FARS2: variants seen among roughly 807,000 people sequenced by gnomAD.
The protein encoded by FARS2 is phenylalanyl-tRNA synthetase 2, mitochondrial, also known as phenylalanine--tRNA ligase, mitochondrial.
A neutral mutation model predicts 46.4 loss-of-function variants in FARS2; 40 were observed. The observed-to-expected ratio is 0.86, with a 90% CI of 0.67 to 1.12. The LOEUF (loss-of-function observed/expected upper bound fraction) is 1.12. Ranked by LOEUF, FARS2 falls within the 50% of genes most tolerant of loss-of-function variation. The pLI, the probability that FARS2 is intolerant of heterozygous loss-of-function variation, is 0.00. For synonymous variants in FARS2, 234 were observed against 214.9 expected, an observed-to-expected ratio of 1.09 and a Z score of -0.78; for missense variants, 513 against 567.9, an observed-to-expected ratio of 0.90 and a Z score of 0.98.
intron 6 of FARS2, among the ~76,000 whole-genome samples, chr6:5,741,799 T>A (rs1231792745): frequency 1.3e-5 from 2 of 151,910 alleles, no homozygotes; most frequent in African/African-American, 4.9e-5. Flanking sequence ...TACAGGCACA[T>A]GCCACCACCC....
intron 6 of FARS2, among the ~76,000 whole-genome samples, chr6:5,731,469 C>T (rs752675917): frequency 2.6e-5 from 4 of 152,196 alleles, no homozygotes; most frequent in Non-Finnish European, 5.9e-5. Flanking sequence ...CCTGCTTCTG[C>T]ACTCACGCCC....
intron 5 of FARS2, among the ~76,000 whole-genome samples, chr6:5,585,836 A>G (rs1437501171): frequency 6.6e-6 from 1 of 152,180 alleles, no homozygotes; most frequent in Non-Finnish European, 1.5e-5. Flanking sequence ...CTGTTTCCAC[A>G]TATTAGCTAG....
At chr6:5,322,070 C>T (rs772552905) in intron 1 of FARS2, among the ~76,000 whole-genome samples, 4 of 152,102 alleles carry the variant, frequency 2.6e-5, no homozygotes, top group Non-Finnish European at 4.4e-5. Context: ...TTTTAGGTAT[C>T]GCTAGAGAAT....
chr6:5,273,286 A>G (rs1406635072), intron 1 of FARS2, among the ~76,000 whole-genome samples: 1 of 152,180 alleles, frequency 6.6e-6, no homozygotes, highest in African/African-American at 2.4e-5. Flanking sequence ...ATTTCCACCA[A>G]CAGTTTACAG....
chr6:5,610,177 T>C, intron 5 of FARS2: 1 of 870,038 alleles, frequency 1.1e-6, no homozygotes, highest in Non-Finnish European at 1.9e-6. Flanking sequence ...TCGGGCTCTT[T>C]AGGAGACTCT....
At chr6:5,752,264 T>G (rs1037370893) in intron 6 of FARS2, among the ~76,000 whole-genome samples, 1 of 152,192 alleles carries the variant, frequency 6.6e-6, no homozygotes, top group Non-Finnish European at 1.5e-5. Context: ...AAGGTTCTGG[T>G]GGATGTTGTC....
At chr6:5,280,525 GAC>G (rs1766646071) in intron 1 of FARS2, among the ~76,000 whole-genome samples, 1 of 152,186 alleles carries the variant, frequency 6.6e-6, no homozygotes, top group African/African-American at 2.4e-5. Context: ...AGTTTAATGA[GAC>G]AGCTGTAGAA....
intron 6 of FARS2, among the ~76,000 whole-genome samples, chr6:5,661,912 G>A (rs1264833348): frequency 6.6e-6 from 1 of 152,162 alleles, no homozygotes; most frequent in Non-Finnish European, 1.5e-5. Context: ...AACTATATAA[G>A]AGAGAGAGAC....
At chr6:5,401,980 A>G (rs1240032360) in intron 2 of FARS2, among the ~76,000 whole-genome samples, 1 of 150,542 alleles carries the variant, frequency 6.6e-6, no homozygotes, top group Non-Finnish European at 1.5e-5. Flanking sequence ...TTTATCTGGT[A>G]TTAGTTCTGC....
In FARS2 at chr6:5,669,357, A is replaced by G. The variant is rs926429670; in HGVS notation, c.1217+56037A>G. 2.6e-5 allele frequency among the ~76,000 whole-genome samples: 4 copies of G among 152,124 alleles called. No individual in the cohort carries two copies. In the South Asian group the frequency reaches 6.2e-4, roughly 24 times the overall value. ...AGCTTGTTGAGTGTTGTCCATTCCTATCACTCAGCCCACCTCCCCCCACCC... is the reference window on the plus strand; with the variant it reads ...AGCTTGTTGAGTGTTGTCCATTCCTGTCACTCAGCCCACCTCCCCCCACCC... On this transcript the variant is annotated intron_variant, in intron 6 of 6. Coordinates refer to ENST00000274680, the MANE Select transcript of FARS2 (RefSeq NM_006567.5).
At chr6:5,350,523 C>A (rs1757510596) in intron 1 of FARS2, among the ~76,000 whole-genome samples, 1 of 152,064 alleles carries the variant, frequency 6.6e-6, no homozygotes, top group African/African-American at 2.4e-5. Flanking sequence ...AAGTAGATCC[C>A]CATAAATATG....
At position 5,369,160 on chromosome 6, in the gene FARS2, T is replaced by C; in HGVS notation, c.590T>C (p.Val197Ala). 6.2e-7 allele frequency: 1 copy of C among 1,608,568 alleles called. No individual in the cohort carries two copies. The highest frequency in any genetic ancestry group is 8.5e-7 in the Non-Finnish European group (1 of 1,179,924). ...HYPIFHQLEA[V>A]RLFSKHELFA... Reference sequence around the variant, plus strand: ...CCTATTTTCCACCAGCTGGAGGCCGTGCGGCTCTTCTCCAAGCATGAGGTG... The same window carrying C: ...CCTATTTTCCACCAGCTGGAGGCCGCGCGGCTCTTCTCCAAGCATGAGGTG... The change falls in exon 2 of 7, where the codon GTG becomes GCG. Residue 197 changes from valine (V) to alanine (A), a missense_variant. Val to Ala is a moderately conservative substitution (Grantham distance 64). Transcript: ENST00000274680.
chr6:5,402,282 AT>A (rs1470706436), intron 2 of FARS2, among the ~76,000 whole-genome samples: 1 of 136,348 alleles, frequency 7.3e-6, no homozygotes, highest in African/African-American at 2.8e-5. Flanking sequence ...TTTGTTCTTA[AT>A]TTTTGAGTTT....
chr6:5,491,088 A>G (rs969996507), intron 4 of FARS2, among the ~76,000 whole-genome samples: 1 of 152,184 alleles, frequency 6.6e-6, no homozygotes, highest in Non-Finnish European at 1.5e-5. Flanking sequence ...TACCCTCAGC[A>G]ACATTTTATA....
intron 6 of FARS2, among the ~76,000 whole-genome samples, chr6:5,640,133 T>G (rs1042805744): frequency 9.3e-5 from 12 of 129,094 alleles, no homozygotes; most frequent in Non-Finnish European, 1.1e-4. Flanking sequence ...GAGGGAACTT[T>G]TGTCAGGTGT....
At chr6:5,601,010 A>G (rs1774478553) in intron 5 of FARS2, among the ~76,000 whole-genome samples, 1 of 152,182 alleles carries the variant, frequency 6.6e-6, no homozygotes, top group Non-Finnish European at 1.5e-5. Flanking sequence ...AAGAGACAGC[A>G]GAACTTGCAG....
rs1771773312 is a variant in FARS2 at position 5,343,055 on chromosome 6, A to C, written c.-21-25495A>C. On this transcript the variant is annotated intron_variant, in intron 1 of 6. Transcript: ENST00000274680. This position sits in a 1 kb window ranked among gnomAD's most constrained non-coding sequence, Gnocchi z 4.5. ...CAGACAAAACCTCATTAAAATCTAC[A>C]TCACTCATTTCTGCCCTAATCTGTA... Among the ~76,000 whole-genome samples the C allele has an allele frequency of 6.6e-6, 1 of 152,178 alleles. No individual in the cohort carries two copies. Among genetic ancestry groups the C allele is most frequent in the African/African-American group, 2.4e-5 (1 of 41,428 alleles).
intron 1 of FARS2, among the ~76,000 whole-genome samples, chr6:5,348,390 A>G (rs1757369036): frequency 6.6e-6 from 1 of 151,512 alleles, no homozygotes; most frequent in African/African-American, 2.4e-5. Flanking sequence ...CACTCCTTCA[A>G]CACAATCTCT....
chr6:5,508,998 T>G (rs1017344241), intron 4 of FARS2, among the ~76,000 whole-genome samples: 1 of 152,228 alleles, frequency 6.6e-6, no homozygotes, highest in Non-Finnish European at 1.5e-5. Flanking sequence ...CTCCAGTTGA[T>G]TTTTGTCACT....
Sources: gnomAD v4.1 joint callset for allele counts (sites outside exome capture counted in the v4.1 genomes callset) on GRCh38, gnomAD v4.1.1 for gene constraint, Gnocchi (gnomAD v3.1) non-coding constraint, MANE v1.5 for transcripts, NCBI Gene and HGNC (gene_info 2026-07-23, HGNC 2026-07-21) for gene names.